The following PCDH15 variants were observed in gnomAD, a reference collection of about 807,000 sequenced individuals.
PCDH15 encodes the protein protocadherin-15.
PCDH15 carries 129 observed loss-of-function variants against 178.5 expected under a neutral mutation model. The ratio of observed to expected loss-of-function variants is 0.72; its 90% CI spans 0.63 to 0.84. The LOEUF (loss-of-function observed/expected upper bound fraction) is 0.84, where lower values mean the gene tolerates loss of function less well. Ranked by LOEUF, PCDH15 falls within the 40% of genes least tolerant of loss-of-function variation. The pLI is 0.00. For synonymous variants in PCDH15, 800 were observed against 732.0 expected (o/e 1.09, Z -1.50); for missense variants, 2,230 against 2,099.9 (o/e 1.06, Z -1.21).
At chr10:54,866,048 AC>A (rs1262695717) in intron 3 of PCDH15, among the ~76,000 whole-genome samples, 7 of 152,180 alleles carry the variant, frequency 4.6e-5, no homozygotes, top group Admixed American at 2.0e-4. Context: ...TAGATGAGAA[AC>A]TTTTCTTTAA....
chr10:55,496,516 G>A (rs1284094864), intron 2 of PCDH15, among the ~76,000 whole-genome samples: 1 of 151,636 alleles, frequency 6.6e-6, no homozygotes, highest in African/African-American at 2.4e-5. Flanking sequence ...AGACAATTAA[G>A]TAACTACACT....
intron 2 of PCDH15, among the ~76,000 whole-genome samples, chr10:55,428,321 TATC>T (rs1838805080): frequency 6.6e-6 from 1 of 152,090 alleles, no homozygotes; most frequent in South Asian, 2.1e-4. Flanking sequence ...ATCTATCAGT[TATC>T]ATTTTGCATC....
chr10:53,949,768 A>C (rs2086866815), intron 23 of PCDH15, among the ~76,000 whole-genome samples: 1 of 152,160 alleles, frequency 6.6e-6, no homozygotes, highest in Non-Finnish European at 1.5e-5. Flanking sequence ...AACATAAGGT[A>C]ATTTTAATTC....
At chr10:54,239,451 C>T (rs2055009247) in intron 8 of PCDH15, among the ~76,000 whole-genome samples, 1 of 142,740 alleles carries the variant, frequency 7.0e-6, no homozygotes, top group African/African-American at 2.9e-5. Flanking sequence ...AACTGAAGAA[C>T]TAAAAAGAAA....
chr10:54,182,634 T>G (rs10082369), intron 13 of PCDH15, among the ~76,000 whole-genome samples: 72,543 of 151,758 alleles, frequency 0.48, 19,511 homozygotes, highest in African/African-American at 0.72. Context: ...GTTTTCAAAG[T>G]TACCATTTAC....
At chr10:54,658,146 G>C (rs1229630454) in intron 2 of PCDH15, among the ~76,000 whole-genome samples, 1 of 151,910 alleles carries the variant, frequency 6.6e-6, no homozygotes, top group African/African-American at 2.4e-5. Context: ...ATAATGGAAA[G>C]CAACCAAACC....
Position 53,990,924 on chromosome 10 carries a change from G to A in PCDH15, c.2868+4725C>T, listed in dbSNP as rs551749190. ...CTCCGAGCGGCCGTCTGGCGCCACC[G>A]GCCCTGGGCAGTGAGGGGTTTAGCA... On this transcript the variant is annotated intron_variant, in intron 21 of 37. Coordinates refer to ENST00000644397, the MANE Select transcript of PCDH15 (RefSeq NM_001384140.1). Among the ~76,000 whole-genome samples, 13 of 152,232 alleles carry A rather than the reference G, an allele frequency of 8.5e-5. No individual in the cohort carries two copies. In the Middle Eastern group the frequency reaches 0.01, roughly 119 times the overall value.
At chr10:54,682,169 A>C (rs1176412788) in intron 1 of PCDH15, among the ~76,000 whole-genome samples, 3 of 126,596 alleles carry the variant, frequency 2.4e-5, no homozygotes, top group Non-Finnish European at 5.1e-5. Context: ...GGATTAGAGT[A>C]GACAAACTAC....
chr10:55,361,615 T>C (rs1004626774), intron 2 of PCDH15, among the ~76,000 whole-genome samples: 1 of 151,974 alleles, frequency 6.6e-6, no homozygotes, highest in Non-Finnish European at 1.5e-5. Context: ...TAGCCTCAAA[T>C]ATATGACCAA....
chr10:55,510,311 C>G (rs1840851215), intron 2 of PCDH15, among the ~76,000 whole-genome samples: 1 of 151,666 alleles, frequency 6.6e-6, no homozygotes, highest in African/African-American at 2.4e-5. Flanking sequence ...AAAGTCAAAA[C>G]CAAATTATTA....
intron 6 of PCDH15, among the ~76,000 whole-genome samples, chr10:54,336,206 C>T (rs970605234): frequency 4.6e-5 from 7 of 152,092 alleles, no homozygotes; most frequent in African/African-American, 7.2e-5. Context: ...TGAGACAGAG[C>T]ATAAAAATTC....
At chr10:55,166,883 G>T in intron 1 of PCDH15, among the ~76,000 whole-genome samples, 1 of 152,102 alleles carries the variant, frequency 6.6e-6, no homozygotes, top group Non-Finnish European at 1.5e-5. Flanking sequence ...CTCTTAGAAT[G>T]CATATCTATG....
intron 1 of PCDH15, among the ~76,000 whole-genome samples, chr10:55,287,838 A>G (rs997936361): frequency 2.0e-5 from 3 of 151,968 alleles, no homozygotes; most frequent in Non-Finnish European, 2.9e-5. Context: ...CAGAGACCAC[A>G]TATCTTCCAT....
intron 2 of PCDH15, among the ~76,000 whole-genome samples, chr10:54,983,404 G>T (rs1839288814): frequency 6.6e-6 from 1 of 152,014 alleles, no homozygotes; most frequent in South Asian, 2.1e-4. Flanking sequence ...AATTTTAAAT[G>T]TATGCTGACA....
chr10:54,949,709 G>A (rs1454955327), intron 2 of PCDH15, among the ~76,000 whole-genome samples: 1 of 151,934 alleles, frequency 6.6e-6, no homozygotes, highest in Non-Finnish European at 1.5e-5. Flanking sequence ...GTCACCTCTT[G>A]AATGCTTTGC....
intron 2 of PCDH15, among the ~76,000 whole-genome samples, chr10:55,434,405 T>A (rs1297520929): frequency 6.6e-6 from 1 of 152,050 alleles, no homozygotes. Context: ...GCTAATTATA[T>A]CTCCATATTT....
At chr10:55,432,923 C>G (rs2132058867) in intron 2 of PCDH15, among the ~76,000 whole-genome samples, 1 of 152,024 alleles carries the variant, frequency 6.6e-6, no homozygotes, top group East Asian at 1.9e-4. Flanking sequence ...AGCTGGGAGG[C>G]TGAGGCGGGA....
chr10:54,300,128 G>A (rs1222295659), intron 8 of PCDH15, among the ~76,000 whole-genome samples: 3 of 152,148 alleles, frequency 2.0e-5, no homozygotes, highest in Non-Finnish European at 2.9e-5. Context: ...TACTGAGAAA[G>A]GAGGACTCTG....
At chr10:54,590,987 G>C (rs1350759604) in intron 2 of PCDH15, among the ~76,000 whole-genome samples, 7 of 152,078 alleles carry the variant, frequency 4.6e-5, no homozygotes, top group African/African-American at 1.4e-4. Context: ...GGAGTAAAAA[G>C]TAAATTAAAA....
Sources: gnomAD v4.1 joint callset for allele counts (sites outside exome capture counted in the v4.1 genomes callset) on GRCh38, gnomAD v4.1.1 for gene constraint, MANE v1.5 for transcripts, NCBI Gene and HGNC (gene_info 2026-07-23, HGNC 2026-07-21) for gene names.